Variants in VWA8 observed in about 807,000 individuals in gnomAD.
VWA8 encodes von Willebrand factor A domain-containing protein 8.
Under a neutral mutation model 241.5 loss-of-function variants are expected in VWA8, and 221 were observed. The observed-to-expected ratio is 0.91, with a 90% confidence interval of 0.82 to 1.02. VWA8 has a LOEUF of 1.02. Ranked by LOEUF, VWA8 falls within the 50% of genes least tolerant of loss-of-function variation. The pLI, the probability that VWA8 is intolerant of heterozygous loss-of-function variation, is 0.00. For synonymous variants in VWA8, 852 were observed against 827.1 expected, an observed-to-expected ratio of 1.03 and a Z score of -0.52; for missense variants, 2,322 against 2,328.7, an observed-to-expected ratio of 1.00 and a Z score of 0.06.
intron 9 of VWA8, among the ~76,000 whole-genome samples, chr13:41,871,225 T>C (rs7318284): frequency 0.021 from 3,266 of 152,362 alleles, 122 homozygotes; most frequent in African/African-American, 0.072. Context: ...AATAAGAGTT[T>C]GTTAACTTAC....
intron 21 of VWA8, among the ~76,000 whole-genome samples, chr13:41,745,995 A>C (rs1413014065): frequency 6.6e-6 from 1 of 152,190 alleles, no homozygotes; most frequent in East Asian, 1.9e-4. Context: ...TTATAACCTA[A>C]ATTTATAATA....
Position 41,777,992 on chromosome 13 carries a change from C to T in VWA8, c.2342G>A (p.Gly781Asp). ...ATTTTAGCCATAACTCACCTGGTTG[C>T]CAACCAATAATAAGTGTTCTCCAAG... is the stretch of plus-strand genomic sequence containing the variant. ...FLLGEHLLLV[G>D]NQGVGKNKIV... The change falls in exon 20 of 45, where the codon GGC (glycine) becomes GAC (aspartate). Residue 781 changes from glycine (G) to aspartate (D), a missense_variant. Gly to Asp is a moderately conservative substitution (Grantham distance 94). Transcript: ENST00000379310. 1 of 1,609,624 alleles carries T rather than the reference C, an allele frequency of 6.2e-7. No individual in the cohort carries two copies. The highest frequency in any genetic ancestry group is 8.5e-7 in the Non-Finnish European group (1 of 1,178,430).
chr13:41,601,748 A>G (rs1174817293), intron 40 of VWA8, among the ~76,000 whole-genome samples: 4 of 152,130 alleles, frequency 2.6e-5, no homozygotes, highest in Non-Finnish European at 4.4e-5. Context: ...GGTGATAGCT[A>G]TCTTAATCGA....
intron 2 of VWA8, among the ~76,000 whole-genome samples, chr13:41,945,873 G>T (rs1462618708): frequency 6.6e-6 from 1 of 152,012 alleles, no homozygotes; most frequent in Non-Finnish European, 1.5e-5. Flanking sequence ...CCAAAATTTT[G>T]CCAACTTCGA....
At position 41,618,416 on chromosome 13, in the gene VWA8, C is replaced by T. The variant is rs189662100; in HGVS notation, c.4612-3332G>A. On this transcript the variant is annotated intron_variant, in intron 37 of 44. Transcript: ENST00000379310. ...TAGATTGTAAAAATTTTCTCCCATT[C>T]TGTAGGTTGCCTGTTCACTCTGATG... 6.7e-4 allele frequency among the ~76,000 whole-genome samples: 102 copies of T among 152,300 alleles called. 2 individuals are homozygous for T. Among genetic ancestry groups the T allele is most frequent in the Non-Finnish European group, 8.8e-5 (6 of 68,044 alleles).
At chr13:41,805,020 C>A (rs968490861) in intron 17 of VWA8, among the ~76,000 whole-genome samples, 2 of 151,894 alleles carry the variant, frequency 1.3e-5, no homozygotes, top group Non-Finnish European at 2.9e-5. Context: ...CATAAAGCAA[C>A]CTAAAAACAA....
chr13:41,949,533 G>A (rs1748645608), intron 2 of VWA8, among the ~76,000 whole-genome samples: 1 of 152,018 alleles, frequency 6.6e-6, no homozygotes, highest in South Asian at 2.1e-4. Context: ...TAGATGACCG[G>A]TTGATGGGTG....
intron 21 of VWA8, among the ~76,000 whole-genome samples, chr13:41,751,830 T>C (rs910823001): frequency 6.6e-6 from 1 of 152,192 alleles, no homozygotes; most frequent in Non-Finnish European, 1.5e-5. Flanking sequence ...ATCTATTATA[T>C]ACATAGAATT....
chr13:41,933,400 AT>A (rs745750809), intron 2 of VWA8, among the ~76,000 whole-genome samples: 70 of 152,184 alleles, frequency 4.6e-4, no homozygotes, highest in Non-Finnish European at 7.5e-4. Context: ...TGATCTACAG[AT>A]TTAATGCAAT....
At chr13:41,692,788 C>T in intron 30 of VWA8, 74 bp downstream of exon 30, 1 of 1,170,216 alleles carries the variant, frequency 8.5e-7, no homozygotes. Context: ...AAGGGATGGG[C>T]ATGCATGCAT....
intron 16 of VWA8, among the ~76,000 whole-genome samples, chr13:41,813,231 G>A (rs1370372380): frequency 1.3e-5 from 2 of 152,108 alleles, no homozygotes; most frequent in Non-Finnish European, 2.9e-5. Context: ...CAGCAGCATA[G>A]AAAGTGGATG....
chr13:41,686,634 T>C (rs1162782131), intron 34 of VWA8, among the ~76,000 whole-genome samples: 1 of 152,164 alleles, frequency 6.6e-6, no homozygotes, highest in Non-Finnish European at 1.5e-5. Flanking sequence ...TTTTCTTCCT[T>C]TCAGTATCTG....
At chr13:41,891,986 T>C (rs1333742670) in intron 4 of VWA8, among the ~76,000 whole-genome samples, 3 of 152,138 alleles carry the variant, frequency 2.0e-5, no homozygotes, top group Admixed American at 6.5e-5. Flanking sequence ...ACAAGCTTCT[T>C]GTAAGGATCA....
At chr13:41,830,748 A>G (rs1593801011) in intron 13 of VWA8, 106 bp from the exon 14 acceptor site, 1 of 928,058 alleles carries the variant, frequency 1.1e-6, no homozygotes, top group African/African-American at 1.7e-5. Flanking sequence ...CTGGCAATTG[A>G]GTCTAATAAT....
At chr13:41,895,687 T>C (rs1875065946) in intron 4 of VWA8, among the ~76,000 whole-genome samples, 2 of 152,188 alleles carry the variant, frequency 1.3e-5, no homozygotes, top group African/African-American at 4.8e-5. Context: ...CATTAGTCTT[T>C]TAAATCAACC....
In VWA8 at chr13:41,694,305, T is replaced by C. The variant is rs1028019793; in HGVS notation, c.3565-1333A>G. On this transcript the variant is annotated intron_variant, in intron 29 of 44. Coordinates refer to ENST00000379310, the MANE Select transcript of VWA8 (RefSeq NM_015058.2). ...AAGAATTAAAATAGTATTTGCACCATATAACTCACTTCACACCATATACTC... is the reference window on the plus strand; with the variant it reads ...AAGAATTAAAATAGTATTTGCACCACATAACTCACTTCACACCATATACTC... Among the ~76,000 whole-genome samples the C allele has an allele frequency of 3.9e-5, 6 of 152,150 alleles. No individual in the cohort carries two copies. In the East Asian group the frequency reaches 5.8e-4, roughly 15 times the overall value.
intron 22 of VWA8, 42 bp downstream of exon 22, chr13:41,732,038 C>T (rs1300946063): frequency 2.6e-6 from 4 of 1,566,256 alleles, no homozygotes; most frequent in Middle Eastern, 1.7e-4. Flanking sequence ...AACTATGATA[C>T]AAAAATACAC....
At chr13:41,763,705 T>C (rs1056433197) in intron 20 of VWA8, among the ~76,000 whole-genome samples, 22 of 152,306 alleles carry the variant, frequency 1.4e-4, no homozygotes, top group African/African-American at 4.1e-4. Context: ...AAAGCAGACA[T>C]CACAAATGCA....
At chr13:41,863,325 G>A (rs1343898024) in intron 12 of VWA8, among the ~76,000 whole-genome samples, 2 of 149,684 alleles carry the variant, frequency 1.3e-5, no homozygotes, top group Non-Finnish European at 3.0e-5. Context: ...GTGGGACCTT[G>A]TGATGGTGTA....
Sources: gnomAD v4.1 joint callset for allele counts (sites outside exome capture counted in the v4.1 genomes callset) on GRCh38, gnomAD v4.1.1 for gene constraint, MANE v1.5 for transcripts, NCBI Gene and HGNC (gene_info 2026-07-23, HGNC 2026-07-21) for gene names.